The following BET1 variants were observed in gnomAD, a reference collection of about 807,000 sequenced individuals.
The protein encoded by BET1 is BET1 homolog.
Under a neutral mutation model 13.9 loss-of-function variants are expected in BET1, and 9 were observed. The ratio of observed to expected loss-of-function variants is 0.65; its 90% CI spans 0.39 to 1.13. BET1 has a LOEUF of 1.13. Among genes scored for constraint, BET1 ranks in the 50% most tolerant of loss-of-function variants. The pLI is 0.01. For synonymous variants in BET1, 39 were observed against 47.3 expected (o/e 0.82, Z 0.72); for missense variants, 127 against 133.6 (o/e 0.95, Z 0.24).
intron 3 of BET1, among the ~76,000 whole-genome samples, chr7:93,995,828 T>C (rs553992876): frequency 6.6e-6 from 1 of 152,196 alleles, no homozygotes; most frequent in Admixed American, 6.5e-5. Flanking sequence ...GCTGTTCAAA[T>C]GTATGAGCAC....
chr7:93,993,754 A>G lies in BET1; in HGVS notation c.*476T>C. 1 of 1,355,572 alleles carries G rather than the reference A, an allele frequency of 7.4e-7. No homozygotes were observed. The allele number at this position is 1,355,572 out of a possible 1,614,324, so 84.0% of individuals were successfully genotyped here. A position where few individuals can be genotyped will look rare whatever the true frequency, so the allele number is the denominator to read the frequency against. The stretch of plus-strand genomic sequence containing the variant: ...AATCAGCCTACAATTTTAACTAAAT[A>G]AAGGAGGAGAAGGGAGTATATCATT... On this transcript the variant is annotated 3_prime_UTR_variant, in exon 4 of 4. Coordinates refer to ENST00000222547, the MANE Select transcript of BET1 (RefSeq NM_005868.6).
chr7:93,970,849 G>C (rs1380431549), intron 6 of BET1, among the ~76,000 whole-genome samples: 2 of 151,616 alleles, frequency 1.3e-5, no homozygotes, highest in African/African-American at 4.8e-5. Context: ...ATATTTCAGA[G>C]TGTTAGTAAT....
In BET1 at chr7:93,994,315, C is replaced by T; in HGVS notation, c.272G>A (p.Gly91Glu). 1.9e-6 allele frequency: 3 copies of T among 1,613,636 alleles called. No individual in the cohort carries two copies. Among genetic ancestry groups the T allele is most frequent in the Non-Finnish European group, 2.5e-6 (3 of 1,179,788 alleles). The change falls in exon 4 of 4, where the codon GGG becomes GAG. Residue 91 changes from glycine to glutamate, a missense_variant. Transcript: ENST00000222547. Reference sequence around the variant, plus strand: ...ATAGCACAGCAGCTTTGTTTGGCTCCCTCTGGATAAAATCTTCAGTTTGCC... The same window carrying T: ...ATAGCACAGCAGCTTTGTTTGGCTCTCTCTGGATAAAATCTTCAGTTTGCC... Reference protein sequence around the residue: ...TMGKLKILSRGSQTKLLCYMM... With the variant: ...TMGKLKILSRESQTKLLCYMM...
intron 5 of BET1, among the ~76,000 whole-genome samples, chr7:93,975,605 T>A (rs1445646945): frequency 1.3e-5 from 2 of 152,134 alleles, no homozygotes; most frequent in East Asian, 3.8e-4. Context: ...TTAGAAAGTG[T>A]CTGTAAGCTT....
At chr7:93,976,177 A>T (rs1032505201) in intron 4 of BET1, 1 of 1,012,884 alleles carries the variant, frequency 9.9e-7, no homozygotes, top group Non-Finnish European at 1.2e-6. Flanking sequence ...AGTAGAAGTA[A>T]ATGTACTCTC....
At chr7:93,984,978 C>A (rs1795498132) in intron 4 of BET1, among the ~76,000 whole-genome samples, 2 of 152,094 alleles carry the variant, frequency 1.3e-5, no homozygotes, top group Non-Finnish European at 2.9e-5. Context: ...AAATAGTTTG[C>A]TTTTTCAGAA....
chr7:93,992,567 T>C, downstream of BET1: 5 of 985,426 alleles, frequency 5.1e-6, no homozygotes, highest in Non-Finnish European at 6.0e-6. Flanking sequence ...TAAAAACTTC[T>C]TGAATGAATG....
rs768923163 is a variant in BET1, at chr7:93,994,386, C to G, written c.202-1G>C. On this transcript the variant is annotated splice_acceptor_variant, in intron 3 of 3. Transcript: ENST00000222547. LOFTEE classifies it high-confidence loss of function. Reference sequence around the variant, plus strand: ...CAGTTGTGGAATCAAATTGTGAATCCTATCAGAGATAAAGGCAAATAAAAT... The same window carrying G: ...CAGTTGTGGAATCAAATTGTGAATCGTATCAGAGATAAAGGCAAATAAAAT... 2 of 1,610,578 alleles carry G rather than the reference C, an allele frequency of 1.2e-6. No homozygotes were observed. The highest frequency in any genetic ancestry group is 1.7e-6 in the Non-Finnish European group (2 of 1,178,576).
At chr7:93,972,623 G>C (rs1220705017) in exon 6 of BET1, 2 of 151,940 alleles carry the variant, frequency 1.3e-5, no homozygotes, top group South Asian at 2.1e-4. Context: ...ACTTTTCAGA[G>C]TGGTAGAAAG....
chr7:93,993,106 A>C (rs1795673452), downstream of BET1: 7 of 980,492 alleles, frequency 7.1e-6, no homozygotes, highest in Non-Finnish European at 8.5e-6. Context: ...TTTTTGAAAT[A>C]GAGTCAAGAT....
intron 6 of BET1, among the ~76,000 whole-genome samples, chr7:93,970,780 G>T (rs946518588): frequency 6.6e-6 from 1 of 151,828 alleles, no homozygotes; most frequent in Middle Eastern, 3.4e-3. Context: ...ATCCAAAAAC[G>T]ACTCAAACTT....
Position 93,999,088 on chromosome 7 carries a change from C to T in BET1, c.144+82G>A, listed in dbSNP as rs947868048. ...TGAGTAAATGAATTCCTTAGGATGACGTCAATAAGAATATATAGTTTATAA... is the reference window on the plus strand; with the variant it reads ...TGAGTAAATGAATTCCTTAGGATGATGTCAATAAGAATATATAGTTTATAA... On this transcript the variant is annotated intron_variant, in intron 2 of 3. Transcript: ENST00000222547. The T allele has an allele frequency of 5.2e-5, 56 of 1,067,018 alleles. No individual in the cohort carries two copies. The East Asian group carries it at 1.8e-3, about 34-fold the overall frequency. The allele number at this position is 1,067,018 out of a possible 1,614,324, so 66.1% of individuals were successfully genotyped here. A position where few individuals can be genotyped will look rare whatever the true frequency, so the allele number is the denominator to read the frequency against.
exon 7 of BET1, chr7:93,964,884 A>G (rs1427520348): frequency 1.3e-5 from 2 of 152,136 alleles, no homozygotes; most frequent in African/African-American, 2.4e-5. Flanking sequence ...AGGAATGTAA[A>G]TTAGTTCTGC....
intron 4 of BET1, among the ~76,000 whole-genome samples, chr7:93,984,253 A>G (rs1219533031): frequency 6.6e-6 from 1 of 152,124 alleles, no homozygotes; most frequent in Admixed American, 6.6e-5. Flanking sequence ...TTGTAAGGAC[A>G]TTAGTCATTG....
chr7:93,975,378 A>C (rs1795320124), intron 5 of BET1, among the ~76,000 whole-genome samples: 1 of 152,112 alleles, frequency 6.6e-6, no homozygotes, highest in Non-Finnish European at 1.5e-5. Context: ...TAGAATATTG[A>C]GAATAGCTAT....
At position 93,994,013 on chromosome 7, in the gene BET1, TACCCCTGAAAA is replaced by T. The variant is rs1193317208; in HGVS notation, c.*206_*216del. 1 of 1,508,326 alleles carries T rather than the reference TACCCCTGAAAA, an allele frequency of 6.6e-7. No homozygotes were observed. The highest frequency in any genetic ancestry group is 8.8e-7 in the Non-Finnish European group (1 of 1,134,962). 93.4% of individuals were successfully genotyped at this position (1,508,326 alleles called of 1,614,324 possible). A position where few individuals can be genotyped will look rare whatever the true frequency, so the allele number is the denominator to read the frequency against. ...AATTAGTGGAGCCACACCCTCTCAC[TACCCCTGAAAA>T]TAGGGGCTAAAATGAGTCATTAAGA... On this transcript the variant is annotated 3_prime_UTR_variant, in exon 4 of 4. Transcript: ENST00000222547.
chr7:93,984,734 T>C (rs1258872119), intron 4 of BET1, among the ~76,000 whole-genome samples: 1 of 152,196 alleles, frequency 6.6e-6, no homozygotes, highest in East Asian at 1.9e-4. Flanking sequence ...CAGAGCACTA[T>C]AAAGCATTGC....
chr7:93,990,836 T>C (rs192660624), downstream of BET1, among the ~76,000 whole-genome samples: 337 of 148,994 alleles, frequency 2.3e-3, no homozygotes, highest in Admixed American at 4.5e-3. Context: ...TATATGCTTG[T>C]TTTTTTTTTC....
rs763456050 is a variant in BET1, at chr7:93,975,923, G to A, written c.*29C>T. 40 of 1,149,322 alleles carry A rather than the reference G, an allele frequency of 3.5e-5. 2 individuals are homozygous for A. In the Middle Eastern group the frequency reaches 7.4e-4, roughly 21 times the overall value. The allele number at this position is 1,149,322 out of a possible 1,614,324, so 71.2% of individuals were successfully genotyped here. A position where few individuals can be genotyped will look rare whatever the true frequency, so the allele number is the denominator to read the frequency against. On this transcript the variant is annotated 3_prime_UTR_variant and NMD_transcript_variant, in exon 5 of 7. Transcript: ENST00000357520. ...ACTTACTTCTTTCTTGGAAGATTTGGAAGGCTTCAGAGTCATTATTTTGAC... is the reference window on the plus strand; with the variant it reads ...ACTTACTTCTTTCTTGGAAGATTTGAAAGGCTTCAGAGTCATTATTTTGAC...
Sources: gnomAD v4.1 joint callset for allele counts (sites outside exome capture counted in the v4.1 genomes callset) on GRCh38, gnomAD v4.1.1 for gene constraint, MANE v1.5 for transcripts, NCBI Gene and HGNC (gene_info 2026-07-23, HGNC 2026-07-21) for gene names.